Variants in CNTN4 observed in about 807,000 individuals in gnomAD.
CNTN4 encodes the protein contactin 4.
CNTN4 carries 77 observed loss-of-function variants against 122.5 expected under a neutral mutation model. The ratio of observed to expected loss-of-function variants is 0.63; its 90% confidence interval spans 0.52 to 0.76. CNTN4 has a LOEUF of 0.76. Ranked by LOEUF, CNTN4 falls within the 30% of genes least tolerant of loss-of-function variation. CNTN4 has a pLI of 0.00. For synonymous variants in CNTN4, 512 were observed against 447.0 expected (o/e 1.15, Z -1.83); for missense variants, 1,256 against 1,259.1 (o/e 1.00, Z 0.04).
At chr3:2,601,053 A>G (rs2081022179) in intron 4 of CNTN4, among the ~76,000 whole-genome samples, 1 of 151,702 alleles carries the variant, frequency 6.6e-6, no homozygotes, top group Non-Finnish European at 1.5e-5. Flanking sequence ...GGGTTGTTGT[A>G]TTTTTTCTTG....
At chr3:3,045,451 C>T (rs1700550038) in intron 23 of CNTN4, among the ~76,000 whole-genome samples, 1 of 152,222 alleles carries the variant, frequency 6.6e-6, no homozygotes, top group Admixed American at 6.5e-5. Flanking sequence ...AACGATCAGG[C>T]AGCAACATTT....
intron 3 of CNTN4, among the ~76,000 whole-genome samples, chr3:2,377,327 T>G (rs2150726903): frequency 6.6e-6 from 1 of 152,290 alleles, no homozygotes; most frequent in Non-Finnish European, 1.5e-5. Context: ...ATGAGTGCTA[T>G]CTTCAGCAGT....
At chr3:2,606,191 T>A (rs532121416) in intron 4 of CNTN4, among the ~76,000 whole-genome samples, 2 of 152,204 alleles carry the variant, frequency 1.3e-5, no homozygotes, top group African/African-American at 2.4e-5. Context: ...CAGATCACAC[T>A]GGGCTTGGCA....
intron 6 of CNTN4, 69 bp from the exon 7 acceptor site, chr3:2,819,417 A>G (rs2150243367): frequency 4.2e-6 from 5 of 1,184,702 alleles, no homozygotes; most frequent in Non-Finnish European, 6.3e-6. Flanking sequence ...CTTTTGAAAT[A>G]GTGGTACTCT....
At chr3:2,761,492 C>T (rs558805492) in intron 6 of CNTN4, among the ~76,000 whole-genome samples, 54 of 148,988 alleles carry the variant, frequency 3.6e-4, no homozygotes, top group African/African-American at 1.3e-3. Context: ...AGGTTTTCAC[C>T]TAGTCACATG....
At chr3:2,308,254 C>T (rs1055235704) in intron 2 of CNTN4, among the ~76,000 whole-genome samples, 2 of 150,976 alleles carry the variant, frequency 1.3e-5, no homozygotes, top group African/African-American at 4.9e-5. Flanking sequence ...TGTTGTTATC[C>T]CCCCTTTTAT....
At chr3:2,470,368 C>T (rs1163576331) in intron 3 of CNTN4, among the ~76,000 whole-genome samples, 1 of 152,140 alleles carries the variant, frequency 6.6e-6, no homozygotes, top group African/African-American at 2.4e-5. Flanking sequence ...AGCCACCGCG[C>T]CTGGCCATGT....
rs36082705 is a variant in CNTN4, at chr3:2,400,404, A to AATATATATATATAT, written c.-89+61181_-89+61194dup. On this transcript the variant is annotated intron_variant, in intron 3 of 24. Transcript: ENST00000418658. ...TGTGTGTGGTGTGTGTATGTGTGTGAATATATATATATATATATATATACA... is the reference window on the plus strand; with the variant it reads ...TGTGTGTGGTGTGTGTATGTGTGTGAATATATATATATATATATATATATATATATATATATACA... 6.7e-4 allele frequency among the ~76,000 whole-genome samples: 61 copies of AATATATATATATAT among 91,400 alleles called. 1 individual carries two copies. The highest frequency in any genetic ancestry group is 8.8e-4 in the Admixed American group (7 of 7,910). The allele number at this position is 91,400 out of a possible 152,430, so 60.0% of individuals were successfully genotyped here.
chr3:2,542,781 C>T (rs775494312), intron 3 of CNTN4, among the ~76,000 whole-genome samples: 5 of 152,072 alleles, frequency 3.3e-5, no homozygotes, highest in South Asian at 4.1e-4. Context: ...GTTGTGTTAG[C>T]TGTTCTGGGG....
chr3:2,793,803 A>G (rs2092087202), intron 6 of CNTN4, among the ~76,000 whole-genome samples: 1 of 152,192 alleles, frequency 6.6e-6, no homozygotes, highest in African/African-American at 2.4e-5. Context: ...AAGGAGAAGA[A>G]AACAAAATCA....
chr3:2,141,455 C>T (rs1574926584), intron 2 of CNTN4, among the ~76,000 whole-genome samples: 1 of 152,128 alleles, frequency 6.6e-6, no homozygotes, highest in African/African-American at 2.4e-5. Context: ...CTGATAGACC[C>T]TCCAAAAGGA....
intron 3 of CNTN4, among the ~76,000 whole-genome samples, chr3:2,390,207 G>GA (rs2046392140): frequency 7.7e-6 from 1 of 129,950 alleles, no homozygotes; most frequent in African/African-American, 3.1e-5. Flanking sequence ...ATGGGTTTAG[G>GA]AAAAAAGAGT....
intron 3 of CNTN4, among the ~76,000 whole-genome samples, chr3:2,491,728 C>A (rs545716040): frequency 6.6e-6 from 1 of 152,090 alleles, no homozygotes; most frequent in African/African-American, 2.4e-5. Flanking sequence ...CTTTGATATT[C>A]AGTATGGTAG....
chr3:2,126,921 G>T (rs1292658236), intron 2 of CNTN4, among the ~76,000 whole-genome samples: 1 of 152,138 alleles, frequency 6.6e-6, no homozygotes, highest in Non-Finnish European at 1.5e-5. Context: ...TGGCACACCT[G>T]GACCTCACCT....
chr3:2,245,451 T>G (rs2040108687), intron 2 of CNTN4, among the ~76,000 whole-genome samples: 1 of 152,060 alleles, frequency 6.6e-6, no homozygotes, highest in Non-Finnish European at 1.5e-5. Flanking sequence ...TGTTCTCATG[T>G]TTTCAGAAAA....
intron 13 of CNTN4, among the ~76,000 whole-genome samples, chr3:2,952,066 C>T (rs1476658632): frequency 6.6e-6 from 1 of 152,200 alleles, no homozygotes; most frequent in East Asian, 1.9e-4. Context: ...TGGCCTGAGG[C>T]CCCAAATTCT....
intron 2 of CNTN4, among the ~76,000 whole-genome samples, chr3:2,261,056 C>T (rs1292918148): frequency 6.6e-6 from 1 of 152,090 alleles, no homozygotes; most frequent in Non-Finnish European, 1.5e-5. Context: ...TTATGAAATA[C>T]TGTGTAGCAT....
At chr3:2,559,013 C>T (rs1314912128) in intron 3 of CNTN4, among the ~76,000 whole-genome samples, 1 of 152,132 alleles carries the variant, frequency 6.6e-6, no homozygotes, top group African/African-American at 2.4e-5. Context: ...TTAGTGTTTG[C>T]CCGATTTGGC....
At chr3:2,625,856 G>C (rs1250779728) in intron 4 of CNTN4, among the ~76,000 whole-genome samples, 2 of 152,042 alleles carry the variant, frequency 1.3e-5, no homozygotes, top group Non-Finnish European at 1.5e-5. Context: ...TATATCCTCA[G>C]CTTCACGAGA....
Sources: gnomAD v4.1 joint callset for allele counts (sites outside exome capture counted in the v4.1 genomes callset) on GRCh38, gnomAD v4.1.1 for gene constraint, MANE v1.5 for transcripts, NCBI Gene and HGNC (gene_info 2026-07-23, HGNC 2026-07-21) for gene names.